Variants in JAG1 observed in about 807,000 individuals in gnomAD.
JAG1 encodes jagged canonical Notch ligand 1, also known as protein jagged-1.
JAG1 carries 23 observed loss-of-function variants against 148.7 expected under a neutral mutation model. That is an observed-to-expected ratio of 0.15 (90% CI 0.11 to 0.22). The LOEUF (loss-of-function observed/expected upper bound fraction) is 0.22. JAG1 is among the 10% of genes least tolerant of loss of function. JAG1 has a pLI of 1.00. For missense variants in JAG1, 1,054 were observed against 1,611.2 expected (o/e 0.65, Z 5.92); for synonymous variants, 572 against 598.3 (o/e 0.96, Z 0.64).
rs1471617841 is a variant in JAG1, at chr20:10,645,792, A to G, written c.1999+179T>C. On this transcript the variant is annotated intron_variant, in intron 15 of 25. Transcript: ENST00000254958. The surrounding 1 kb of genome is among the most constrained non-coding windows in gnomAD (Gnocchi z 6.1). ...GTCCTCAGCAGAAGCTCCTCCCCAT[A>G]AGCTATCATCAGGACTCATAAATGC... 1 of 651,802 alleles carries G rather than the reference A, an allele frequency of 1.5e-6. No homozygotes were observed. The highest frequency in any genetic ancestry group is 2.7e-6 in the Non-Finnish European group (1 of 364,616). 40.4% of individuals were successfully genotyped at this position (651,802 alleles called of 1,614,324 possible). A position where few individuals can be genotyped will look rare whatever the true frequency, so the allele number is the denominator to read the frequency against.
chr20:10,658,841 A>C (rs2067395575), intron 3 of JAG1, 119 bp from the exon 4 acceptor site: 2 of 1,160,704 alleles, frequency 1.7e-6, no homozygotes, highest in African/African-American at 3.1e-5. Context: ...GTTGTAAAAA[A>C]GGCAAAGAAA....
At chr20:10,666,057 G>C (rs2067451974) in intron 2 of JAG1, among the ~76,000 whole-genome samples, 1 of 152,148 alleles carries the variant, frequency 6.6e-6, no homozygotes, top group Admixed American at 6.5e-5. Flanking sequence ...CAGAGACAGG[G>C]TGAGGGCAGG....
rs375017114 is a variant in JAG1 at position 10,648,053 on chromosome 20, G to A, written c.1627C>T (p.Arg543Cys). 159 of 1,614,132 alleles carry A rather than the reference G, an allele frequency of 9.9e-5. No homozygotes were observed. Among genetic ancestry groups the A allele is most frequent in the Non-Finnish European group, 1.3e-4 (151 of 1,179,996 alleles). Residue 543 changes from arginine to cysteine, a missense_variant, in exon 13 of 26, where the codon CGT becomes TGT. Transcript: ENST00000254958. ...PCQNGAQCYN[R>C]ASDYFCKCPE... ...CACTTGCAGAAATAGTCACTGGCAC[G>A]GTTGTAGCACTGGGCACCGTTCTGG...
chr20:10,639,607 T>G lies in JAG1; in HGVS notation c.3548A>C (p.Glu1183Ala). 1 of 1,614,230 alleles carries G rather than the reference T, an allele frequency of 6.2e-7. No homozygotes were observed. Among genetic ancestry groups the G allele is most frequent in the South Asian group, 1.1e-5 (1 of 91,088 alleles). Residue 1183 changes from glutamate to alanine, a missense_variant, in exon 26 of 26, where the codon GAG (glutamate) becomes GCG (alanine). This residue lies in a region of JAG1 where 177 missense variants were observed against 177.3 expected (regional missense o/e 1.00). Coordinates refer to ENST00000254958, the MANE Select transcript of JAG1 (RefSeq NM_000214.3). ...QPAYTLVDRE[E>A]KPPNGTPTKH... ...TGTCGGCGTGCCGTTGGGGGGCTTC[T>G]CTTCTCTGTCTACCAGCGTGTACGC...
At chr20:10,642,752 C>G in intron 20 of JAG1, 151 bp from the exon 21 acceptor site, 2 of 692,268 alleles carry the variant, frequency 2.9e-6, no homozygotes, top group Non-Finnish European at 5.3e-6. Flanking sequence ...AGAAACAGAT[C>G]TATTGCAAAA....
At chr20:10,647,876 C>T (rs555046312) in intron 13 of JAG1, 84 bp downstream of exon 13, 3 of 1,430,608 alleles carry the variant, frequency 2.1e-6, no homozygotes, top group East Asian at 4.6e-5. Context: ...CATTACTTCT[C>T]AAGTGTAACA....
Position 10,649,391 on chromosome 20 carries a change from C to T in JAG1, c.1348+131G>A, listed in dbSNP as rs373222493. 2.6e-4 allele frequency: 184 copies of T among 719,624 alleles called. No individual in the cohort carries two copies. In the African/African-American group the frequency reaches 2.8e-3, roughly 11 times the overall value. 44.6% of individuals were successfully genotyped at this position (719,624 alleles called of 1,614,324 possible). A position where few individuals can be genotyped will look rare whatever the true frequency, so the allele number is the denominator to read the frequency against. ...TTTTCACTGCTGCCCTGACCACTCC[C>T]TCTCAAAAAACCATTCCCACTCTAA... is the stretch of plus-strand genomic sequence containing the variant. On this transcript the variant is annotated intron_variant, in intron 10 of 25. Transcript: ENST00000254958.
intron 2 of JAG1, among the ~76,000 whole-genome samples, chr20:10,665,335 C>T (rs1032062197): frequency 3.9e-5 from 6 of 152,160 alleles, no homozygotes; most frequent in Non-Finnish European, 5.9e-5. Flanking sequence ...ATGTTTCATA[C>T]TCAAAGCAGA....
At chr20:10,667,271 A>ACG (rs1287364223) in intron 2 of JAG1, among the ~76,000 whole-genome samples, 4 of 152,236 alleles carry the variant, frequency 2.6e-5, no homozygotes. Context: ...CGACGTGCCA[A>ACG]CGCGGCCATT....
intron 9 of JAG1, 75 bp downstream of exon 9, chr20:10,650,172 G>A (rs1600184674): frequency 4.5e-6 from 4 of 889,138 alleles, no homozygotes; most frequent in East Asian, 2.5e-5. Context: ...CCGGCCACAC[G>A]CTCGTCTTCT....
intron 21 of JAG1, among the ~76,000 whole-genome samples, chr20:10,642,183 G>A (rs780422487): frequency 4.6e-5 from 7 of 152,102 alleles, no homozygotes; most frequent in African/African-American, 1.2e-4. Flanking sequence ...ACAGCCACTG[G>A]TCGAACTGAA....
In JAG1 at chr20:10,641,446, AG is replaced by A. The variant is rs781696076; in HGVS notation, c.2916+13del. ...CATCCACCATTCAAAAAAAAAACAA[AG>A]GTTGTTACATACTGGTGACATCATC... On this transcript the variant is annotated intron_variant, in intron 23 of 25. Coordinates refer to ENST00000254958, the MANE Select transcript of JAG1 (RefSeq NM_000214.3). 8.1e-6 allele frequency: 13 copies of A among 1,607,072 alleles called. No homozygotes were observed. In the East Asian group the frequency reaches 2.9e-4, roughly 36 times the overall value.
At chr20:10,664,385 CACACACACA>C (rs2067438299) in intron 2 of JAG1, among the ~76,000 whole-genome samples, 1 of 147,648 alleles carries the variant, frequency 6.8e-6, no homozygotes, top group African/African-American at 2.7e-5. Context: ...CACACACACA[CACACACACA>C]CACACACACA....
intron 18 of JAG1, 103 bp from the exon 19 acceptor site, chr20:10,644,487 T>A: frequency 1.1e-6 from 1 of 924,268 alleles, no homozygotes; most frequent in Non-Finnish European, 1.8e-6. Context: ...AATGATAAAG[T>A]CGTAGTTAAC....
At position 10,659,853 on chromosome 20, in the gene JAG1, C is replaced by T. The variant is rs192895733; in HGVS notation, c.440-1131G>A. On this transcript the variant is annotated intron_variant, in intron 3 of 25. Coordinates refer to ENST00000254958, the MANE Select transcript of JAG1 (RefSeq NM_000214.3). ...GAGTATGTAGTCCCTGCCCTGAGGC[C>T]ACTTATCATCTAGTTTGAGAAGAGA... 6.6e-5 allele frequency among the ~76,000 whole-genome samples: 10 copies of T among 152,212 alleles called. No homozygotes were observed. In the East Asian group the frequency reaches 1.9e-3, roughly 29 times the overall value.
intron 2 of JAG1, among the ~76,000 whole-genome samples, chr20:10,669,933 C>T (rs755776583): frequency 5.9e-5 from 9 of 152,098 alleles, no homozygotes; most frequent in Non-Finnish European, 1.0e-4. Context: ...TCACTTGGTC[C>T]CCCAATTTGA....
At chr20:10,641,009 T>A in intron 24 of JAG1, 76 bp from the exon 25 acceptor site, 39 of 1,610,238 alleles carry the variant, frequency 2.4e-5, no homozygotes, top group Non-Finnish European at 3.2e-5. Context: ...CTCGACAATC[T>A]GTGTCTGCAA....
At chr20:10,649,461 C>T (rs1010247959) in intron 10 of JAG1, 61 bp downstream of exon 10, 78 of 1,030,944 alleles carry the variant, frequency 7.6e-5, no homozygotes, top group Non-Finnish European at 6.4e-5. Context: ...AGCCCCAGTA[C>T]GGACCAGCAA....
chr20:10,642,777 G>T (rs1277888131), intron 20 of JAG1, among the ~76,000 whole-genome samples, 176 bp from the exon 21 acceptor site: 4 of 152,178 alleles, frequency 2.6e-5, no homozygotes, highest in African/African-American at 7.2e-5. Flanking sequence ...CCAATCACTG[G>T]CTCCCAAAGA....
Sources: allele counts gnomAD v4.1 joint callset (sites outside exome capture counted in the v4.1 genomes callset), GRCh38; gene constraint gnomAD v4.1.1; regional missense constraint gnomAD v4.1.1; non-coding constraint Gnocchi (gnomAD v3.1); transcripts MANE v1.5; gene names NCBI Gene and HGNC (gene_info 2026-07-23, HGNC 2026-07-21).